GATAD2B: variants seen among roughly 807,000 people sequenced by gnomAD.
GATAD2B encodes the protein GATA zinc finger domain containing 2B, also known as transcriptional repressor p66-beta.
In GATAD2B, 8 loss-of-function variants were observed where a neutral mutation model predicts 64.3. The observed-to-expected ratio is 0.12, with a 90% CI of 0.07 to 0.22. GATAD2B has a LOEUF of 0.22. Among genes scored for constraint, GATAD2B ranks in the 10% least tolerant of loss-of-function variants. GATAD2B has a pLI of 1.00. For synonymous variants in GATAD2B, 281 were observed against 271.3 expected, an observed-to-expected ratio of 1.04 and a Z score of -0.35; for missense variants, 453 against 752.0, an observed-to-expected ratio of 0.60 and a Z score of 4.65.
At chr1:153,865,891 G>A (rs1676460438) in intron 1 of GATAD2B, among the ~76,000 whole-genome samples, 1 of 152,146 alleles carries the variant, frequency 6.6e-6, no homozygotes, top group Non-Finnish European at 1.5e-5. Flanking sequence ...GGGAAGCTGA[G>A]GTGGGTAGAT....
At chr1:153,867,797 T>G (rs545358794) in intron 1 of GATAD2B, among the ~76,000 whole-genome samples, 2 of 149,384 alleles carry the variant, frequency 1.3e-5, no homozygotes, top group African/African-American at 4.9e-5. Context: ...GAGACAGAGG[T>G]TGCAGTGAGC....
chr1:153,827,224 C>A (rs1287216868), intron 2 of GATAD2B, among the ~76,000 whole-genome samples: 1 of 132,972 alleles, frequency 7.5e-6, no homozygotes, highest in Non-Finnish European at 1.6e-5. Context: ...CCAGCCTAGG[C>A]AACAGAGCGA....
rs1270397478 is a variant in GATAD2B at position 153,857,148 on chromosome 1, AT to A, written c.-1-28801del. Among the ~76,000 whole-genome samples, 1,296 of 151,534 alleles carry A rather than the reference AT, an allele frequency of 8.6e-3. 14 individuals are homozygous for A. The highest frequency in any genetic ancestry group is 0.03 in the African/African-American group (1,249 of 41,326). On this transcript the variant is annotated intron_variant, in intron 1 of 10. Transcript: ENST00000368655. The stretch of plus-strand genomic sequence containing the variant: ...TACATATGCATATGCATATATATAT[AT>A]ATATATATAAATTGGCCGGGCGCAG...
intron 1 of GATAD2B, among the ~76,000 whole-genome samples, chr1:153,874,058 C>CT (rs1263885116): frequency 6.6e-6 from 1 of 151,960 alleles, no homozygotes; most frequent in Non-Finnish European, 1.5e-5. Flanking sequence ...AAGAGATCGT[C>CT]TGAGACCATC....
chr1:153,836,363 G>A (rs1011134601), intron 1 of GATAD2B, among the ~76,000 whole-genome samples: 8 of 149,400 alleles, frequency 5.4e-5, no homozygotes, highest in African/African-American at 1.7e-4. Flanking sequence ...TGATTCTCAT[G>A]CCTCAGCCTT....
intron 1 of GATAD2B, among the ~76,000 whole-genome samples, chr1:153,892,812 C>T (rs1048185749): frequency 6.6e-6 from 1 of 151,296 alleles, no homozygotes; most frequent in Admixed American, 6.6e-5. Context: ...ATCCTACCTC[C>T]GCCTCCCAAG....
intron 1 of GATAD2B, among the ~76,000 whole-genome samples, chr1:153,898,517 G>C (rs1346018143): frequency 6.6e-6 from 1 of 151,782 alleles, no homozygotes; most frequent in Admixed American, 6.6e-5. Context: ...CTTGAGACCA[G>C]AAGTTGGAGA....
rs113111410 is a variant in GATAD2B at position 153,819,617 on chromosome 1, C to G, written c.454G>C (p.Glu152Gln). The G allele has an allele frequency of 1.2e-6, 2 of 1,602,826 alleles. No homozygotes were observed. The change falls in exon 3 of 11, where the codon GAG (glutamate) becomes CAG (glutamine). Residue 152 changes from glutamate (E) to glutamine (Q), a missense_variant. This residue lies in a region of GATAD2B where 293 missense variants were observed against 417.2 expected (regional missense o/e 0.70). Transcript: ENST00000368655. ...MEERLKAANL[E>Q]MFKGKGIEER... The stretch of plus-strand genomic sequence containing the variant: ...TTCTTTCTTTTTACCTTAAACATCT[C>G]TAAGTTGGCTGCTTTGAGTCTTTCT...
chr1:153,899,924 A>G (rs1286826921), intron 1 of GATAD2B, among the ~76,000 whole-genome samples: 1 of 152,212 alleles, frequency 6.6e-6, no homozygotes, highest in Non-Finnish European at 1.5e-5. Flanking sequence ...AAATATACTT[A>G]AATGTGTAAA....
intron 1 of GATAD2B, among the ~76,000 whole-genome samples, chr1:153,829,649 T>C (rs760847379): frequency 6.6e-6 from 1 of 152,018 alleles, no homozygotes; most frequent in East Asian, 1.9e-4. Context: ...AGGCAAAGAA[T>C]TGCTTGAACC....
chr1:153,908,053 T>C (rs1264935212), intron 1 of GATAD2B, among the ~76,000 whole-genome samples: 1 of 152,226 alleles, frequency 6.6e-6, no homozygotes, highest in South Asian at 2.1e-4. Flanking sequence ...TCTGCCTGCC[T>C]TGGCCTCCCA....
At chr1:153,868,737 AC>A (rs1175041970) in intron 1 of GATAD2B, among the ~76,000 whole-genome samples, 1 of 148,814 alleles carries the variant, frequency 6.7e-6, no homozygotes, top group Non-Finnish European at 1.5e-5. Flanking sequence ...TATACTATAT[AC>A]TTTTTTTTTT....
intron 2 of GATAD2B, among the ~76,000 whole-genome samples, chr1:153,820,630 C>CT (rs935575331): frequency 9.4e-5 from 14 of 149,050 alleles, no homozygotes; most frequent in African/African-American, 2.0e-4. Context: ...TTCTTTGGTC[C>CT]TTTTTTTTTT....
chr1:153,851,553 A>T (rs1675897560), intron 1 of GATAD2B, among the ~76,000 whole-genome samples: 1 of 152,038 alleles, frequency 6.6e-6, no homozygotes, highest in Non-Finnish European at 1.5e-5. Context: ...GCAATTTTTC[A>T]TATACTTGGC....
intron 10 of GATAD2B, 100 bp from the exon 11 acceptor site, chr1:153,810,410 G>A: frequency 8.2e-7 from 1 of 1,222,322 alleles, no homozygotes; most frequent in Non-Finnish European, 1.2e-6. Flanking sequence ...TGGAAAGGAA[G>A]CAGAATTTAC....
intron 1 of GATAD2B, among the ~76,000 whole-genome samples, chr1:153,837,507 G>C (rs1036033850): frequency 6.6e-6 from 1 of 152,092 alleles, no homozygotes; most frequent in African/African-American, 2.4e-5. Flanking sequence ...GGTGATGGTT[G>C]CAAAACAATG....
In GATAD2B at chr1:153,909,480, G is replaced by A. The variant is rs762029186; in HGVS notation, c.-2+13253C>T. 3.3e-5 allele frequency among the ~76,000 whole-genome samples: 5 copies of A among 151,648 alleles called. No individual in the cohort carries two copies. In the East Asian group the frequency reaches 7.9e-4, roughly 24 times the overall value. ...CTCCTAAAGTGCTGGGATTACAGGCGTGAGCCACCATGCCCGGCCACATTA... is the reference window on the plus strand; with the variant it reads ...CTCCTAAAGTGCTGGGATTACAGGCATGAGCCACCATGCCCGGCCACATTA... On this transcript the variant is annotated intron_variant, in intron 1 of 10. Coordinates refer to ENST00000368655, the MANE Select transcript of GATAD2B (RefSeq NM_020699.4).
At chr1:153,861,197 C>T (rs1266301232) in intron 1 of GATAD2B, among the ~76,000 whole-genome samples, 1 of 152,120 alleles carries the variant, frequency 6.6e-6, no homozygotes, top group Non-Finnish European at 1.5e-5. Flanking sequence ...GGACGCCTGC[C>T]TCCAAATTGC....
chr1:153,860,058 G>C (rs1049693126), intron 1 of GATAD2B, among the ~76,000 whole-genome samples: 1 of 151,786 alleles, frequency 6.6e-6, no homozygotes, highest in East Asian at 1.9e-4. Flanking sequence ...TGGGATTACA[G>C]GTGTGGCCAC....
Sources: gnomAD v4.1 joint callset for allele counts (sites outside exome capture counted in the v4.1 genomes callset) on GRCh38, gnomAD v4.1.1 for gene constraint, gnomAD v4.1.1 regional missense constraint, MANE v1.5 for transcripts, NCBI Gene and HGNC (gene_info 2026-07-23, HGNC 2026-07-21) for gene names.